MAML3: variants seen among roughly 807,000 people sequenced by gnomAD.
The protein encoded by MAML3 is mastermind like transcriptional coactivator 3.
MAML3 carries 27 observed loss-of-function variants against 101.9 expected under a neutral mutation model. That is an observed-to-expected ratio of 0.27 (90% confidence interval 0.20 to 0.37). MAML3 has a LOEUF of 0.37. Ranked by LOEUF, MAML3 falls within the 10% of genes least tolerant of loss-of-function variation. MAML3 has a pLI of 1.00. For synonymous variants in MAML3, 501 were observed against 555.9 expected (o/e 0.90, Z 1.39); for missense variants, 1,316 against 1,444.9 (o/e 0.91, Z 1.45).
intron 2 of MAML3, among the ~76,000 whole-genome samples, chr4:139,839,196 C>T (rs1330927651): frequency 6.6e-6 from 1 of 152,176 alleles, no homozygotes; most frequent in African/African-American, 2.4e-5. Flanking sequence ...CGCCCCTCCC[C>T]ACTCATCACA....
intron 1 of MAML3, among the ~76,000 whole-genome samples, chr4:140,035,138 A>AT (rs540203168): frequency 1.4e-3 from 217 of 152,060 alleles, no homozygotes; most frequent in African/African-American, 5.0e-3. Flanking sequence ...TGCCTGGCTA[A>AT]TTTTTTCGTA....
At chr4:139,926,455 C>T (rs1268121429) in intron 1 of MAML3, among the ~76,000 whole-genome samples, 1 of 152,160 alleles carries the variant, frequency 6.6e-6, no homozygotes, top group Non-Finnish European at 1.5e-5. Context: ...AAAAAATTAG[C>T]TGGGCATGGT....
chr4:139,900,489 C>G (rs1732696956), intron 1 of MAML3, among the ~76,000 whole-genome samples: 1 of 152,210 alleles, frequency 6.6e-6, no homozygotes, highest in South Asian at 2.1e-4. Flanking sequence ...CCCCTCAAAT[C>G]TCCAAATTTC....
rs572643251 is a variant in MAML3, at chr4:139,895,041, A to G, written c.469-4074T>C. ...GGTCATGCAATGAATGGAGCAGGAC[A>G]GAGAAGGAAACGAAGCTGGTCCATT... On this transcript the variant is annotated intron_variant, in intron 1 of 4. Coordinates refer to ENST00000509479, the MANE Select transcript of MAML3 (RefSeq NM_018717.5). Among the ~76,000 whole-genome samples the G allele has an allele frequency of 2.0e-5, 3 of 152,370 alleles. No homozygotes were observed. In the East Asian group the frequency reaches 5.8e-4, roughly 29 times the overall value.
chr4:139,944,230 C>G (rs1180205928), intron 1 of MAML3, among the ~76,000 whole-genome samples: 2 of 151,920 alleles, frequency 1.3e-5, no homozygotes, highest in Non-Finnish European at 2.9e-5. Flanking sequence ...GCACATTGTG[C>G]AGGTTAGTTA....
At chr4:139,974,920 T>G (rs1365147992) in intron 1 of MAML3, among the ~76,000 whole-genome samples, 1 of 151,970 alleles carries the variant, frequency 6.6e-6, no homozygotes, top group Non-Finnish European at 1.5e-5. Flanking sequence ...AGAGGGCTTG[T>G]GCAGGGTGAC....
chr4:139,864,674 CAAAAA>C (rs70943450), intron 2 of MAML3, among the ~76,000 whole-genome samples: 14 of 69,498 alleles, frequency 2.0e-4, no homozygotes, highest in Non-Finnish European at 2.4e-4. Context: ...GGCTCCGTCT[CAAAAA>C]AAAAAAAAAA....
intron 1 of MAML3, among the ~76,000 whole-genome samples, chr4:140,101,487 T>G (rs998987197): frequency 1.3e-5 from 2 of 152,154 alleles, no homozygotes; most frequent in Admixed American, 6.5e-5. Flanking sequence ...GTTCTATCTG[T>G]CAACAGATAT....
intron 1 of MAML3, among the ~76,000 whole-genome samples, chr4:139,954,805 T>C (rs1249303169): frequency 6.6e-6 from 1 of 152,142 alleles, no homozygotes; most frequent in Non-Finnish European, 1.5e-5. Flanking sequence ...CAGGCACATG[T>C]CATTACCCAA....
At chr4:139,855,884 G>A (rs1443846763) in intron 2 of MAML3, among the ~76,000 whole-genome samples, 4 of 152,188 alleles carry the variant, frequency 2.6e-5, no homozygotes, top group African/African-American at 7.2e-5. Context: ...TAAAAATTCC[G>A]TATAAAAATT....
intron 1 of MAML3, among the ~76,000 whole-genome samples, chr4:139,901,226 A>G (rs1168341142): frequency 6.6e-6 from 1 of 152,198 alleles, no homozygotes; most frequent in East Asian, 1.9e-4. Flanking sequence ...GTGTTTGAGA[A>G]GTGATGATGG....
chr4:140,111,478 C>A (rs1289106909), intron 1 of MAML3, among the ~76,000 whole-genome samples: 1 of 152,238 alleles, frequency 6.6e-6, no homozygotes, highest in Non-Finnish European at 1.5e-5. Context: ...ACATTCCAAT[C>A]AATCCTGCCA....
chr4:139,725,448 C>A (rs1441890984), intron 4 of MAML3, among the ~76,000 whole-genome samples: 2 of 152,128 alleles, frequency 1.3e-5, no homozygotes, highest in Non-Finnish European at 2.9e-5. Flanking sequence ...TAAACTATTA[C>A]AATACTATGT....
chr4:140,029,864 C>T (rs1014184060), intron 1 of MAML3, among the ~76,000 whole-genome samples: 1 of 152,062 alleles, frequency 6.6e-6, no homozygotes, highest in Admixed American at 6.5e-5. Flanking sequence ...CATATTTTAA[C>T]CAAAGTTACT....
chr4:140,136,462 T>G (rs1325628051), intron 1 of MAML3, among the ~76,000 whole-genome samples: 1 of 152,222 alleles, frequency 6.6e-6, no homozygotes, highest in Non-Finnish European at 1.5e-5. Flanking sequence ...ATGGCGATAC[T>G]GGAGCCGTGT....
chr4:139,973,869 C>G (rs1277520261), intron 1 of MAML3, among the ~76,000 whole-genome samples: 1 of 152,088 alleles, frequency 6.6e-6, no homozygotes, highest in African/African-American at 2.4e-5. Flanking sequence ...ATAGAATTAC[C>G]TTTCACCATT....
chr4:139,753,173 T>C (rs139112324), intron 2 of MAML3, among the ~76,000 whole-genome samples: 10 of 152,332 alleles, frequency 6.6e-5, no homozygotes, highest in African/African-American at 2.4e-4. Context: ...ATACATAACA[T>C]AAAATTTATC....
chr4:139,982,310 C>T (rs773896418), intron 1 of MAML3, among the ~76,000 whole-genome samples: 9 of 152,188 alleles, frequency 5.9e-5, no homozygotes, highest in African/African-American at 1.2e-4. Flanking sequence ...TTTTGACATA[C>T]CCCTATTATT....
chr4:139,756,616 A>G (rs1471113347), intron 2 of MAML3, among the ~76,000 whole-genome samples: 1 of 152,186 alleles, frequency 6.6e-6, no homozygotes, highest in Non-Finnish European at 1.5e-5. Context: ...CACTTCTGGA[A>G]ATGACTTGGT....
Sources: allele counts gnomAD v4.1 joint callset (sites outside exome capture counted in the v4.1 genomes callset), GRCh38; gene constraint gnomAD v4.1.1; transcripts MANE v1.5; gene names NCBI Gene and HGNC (gene_info 2026-07-23, HGNC 2026-07-21).